Variants in ZMPSTE24 observed in about 807,000 individuals in gnomAD.
ZMPSTE24 encodes zinc metallopeptidase STE24.
In ZMPSTE24, 48 loss-of-function variants were observed where a neutral mutation model predicts 56.7. The observed-to-expected ratio is 0.85, with a 90% CI of 0.67 to 1.08. The LOEUF (loss-of-function observed/expected upper bound fraction) is 1.08, where lower values mean the gene tolerates loss of function less well. ZMPSTE24 is among the 50% of genes least tolerant of loss of function. The probability of loss-of-function intolerance (pLI) is 0.00; values close to 1 mark genes in which losing one functional copy is unlikely to be tolerated. For synonymous variants in ZMPSTE24, 172 were observed against 195.2 expected (o/e 0.88, Z 0.99); for missense variants, 503 against 548.7 (o/e 0.92, Z 0.83).
intron 5 of ZMPSTE24, among the ~76,000 whole-genome samples, chr1:40,271,069 T>C (rs1260316127): frequency 6.6e-6 from 1 of 152,244 alleles, no homozygotes; most frequent in African/African-American, 2.4e-5. Context: ...TATTTTATTT[T>C]AGAGATAGGG....
chr1:40,286,557 A>T (rs1643788672), intron 8 of ZMPSTE24, among the ~76,000 whole-genome samples: 1 of 151,762 alleles, frequency 6.6e-6, no homozygotes, highest in East Asian at 1.9e-4. Flanking sequence ...AGTAGCTTGG[A>T]CTACAGGCAC....
At chr1:40,275,265 C>CAAAAAA (rs869166476) in intron 6 of ZMPSTE24, among the ~76,000 whole-genome samples, 12 of 38,622 alleles carry the variant, frequency 3.1e-4, no homozygotes, top group Middle Eastern at 0.029. Flanking sequence ...ACTAAAAATA[C>CAAAAAA]AAAAAAAAAA....
rs71060363 is a variant in ZMPSTE24, at chr1:40,287,077, T to TC, written c.1059+1048_1059+1049insC. Among the ~76,000 whole-genome samples the TC allele has an allele frequency of 2.8e-5, 4 of 145,158 alleles. No homozygotes were observed. The East Asian group carries it at 8.2e-4, about 30-fold the overall frequency. ...ACATTTTTTTCTTTTTCTTTTCTTT[T>TC]TTTTTTTGAAATGGGGTCTCTCTCT... On this transcript the variant is annotated intron_variant, in intron 8 of 9. Coordinates refer to ENST00000372759, the MANE Select transcript of ZMPSTE24 (RefSeq NM_005857.5).
intron 2 of ZMPSTE24, among the ~76,000 whole-genome samples, chr1:40,264,108 C>T (rs965947703): frequency 3.9e-5 from 6 of 151,992 alleles, no homozygotes; most frequent in African/African-American, 1.2e-4. Flanking sequence ...GAGGTGGGGG[C>T]GGATTACCTG....
intron 2 of ZMPSTE24, 21 bp downstream of exon 2, chr1:40,261,006 A>G: frequency 1.2e-6 from 2 of 1,613,928 alleles, no homozygotes; most frequent in Non-Finnish European, 1.7e-6. Flanking sequence ...TACTTCTTGG[A>G]GAGACAGTCT....
intron 9 of ZMPSTE24, among the ~76,000 whole-genome samples, chr1:40,291,418 A>G (rs779554490): frequency 2.6e-5 from 4 of 152,220 alleles, no homozygotes; most frequent in Non-Finnish European, 4.4e-5. Flanking sequence ...ACCTGCCTCC[A>G]TATAGCCTGA....
At chr1:40,274,236 T>A (rs1328132763) in intron 6 of ZMPSTE24, among the ~76,000 whole-genome samples, 1 of 152,240 alleles carries the variant, frequency 6.6e-6, no homozygotes, top group African/African-American at 2.4e-5. Context: ...AACAGCAGTT[T>A]ACTCACCTAT....
rs1327693638 is a variant in ZMPSTE24, at chr1:40,293,872, T to G, written c.*1203T>G. On this transcript the variant is annotated 3_prime_UTR_variant, in exon 10 of 10. Coordinates refer to ENST00000372759, the MANE Select transcript of ZMPSTE24 (RefSeq NM_005857.5). ...TAGAGCTCTCACTCACTGATAATGCTTATTACCTTCTGGGCATTTATTCCA... is the reference window on the plus strand; with the variant it reads ...TAGAGCTCTCACTCACTGATAATGCGTATTACCTTCTGGGCATTTATTCCA... The G allele has an allele frequency of 2.6e-5, 4 of 152,278 alleles. No homozygotes were observed. Among genetic ancestry groups the G allele is most frequent in the Non-Finnish European group, 4.4e-5 (3 of 68,038 alleles). 9.4% of individuals were successfully genotyped at this position (152,278 alleles called of 1,614,324 possible).
At position 40,258,275 on chromosome 1, in the gene ZMPSTE24, G is replaced by T; in HGVS notation, c.4G>T (p.Gly2Trp). M[G>W]MWASLDALWE... ...GAGCCGGCGGAACCGGGTGGCCATGGGGATGTGGGCATCGCTGGACGCTTT... is the reference window on the plus strand; with the variant it reads ...GAGCCGGCGGAACCGGGTGGCCATGTGGATGTGGGCATCGCTGGACGCTTT... Residue 2 changes from glycine to tryptophan, a missense_variant, in exon 1 of 10, where the codon GGG (glycine) becomes TGG (tryptophan). Physicochemically the swap from Gly to Trp is radical, Grantham distance 184. Coordinates refer to ENST00000372759, the MANE Select transcript of ZMPSTE24 (RefSeq NM_005857.5). The T allele has an allele frequency of 2.5e-6, 4 of 1,613,886 alleles. No homozygotes were observed. In the South Asian group the frequency reaches 4.4e-5, roughly 18 times the overall value.
Position 40,260,872 on chromosome 1 carries a change from C to T in ZMPSTE24, c.157C>T (p.Pro53Ser). The T allele has an allele frequency of 6.2e-7, 1 of 1,614,016 alleles. No homozygotes were observed. Among genetic ancestry groups the T allele is most frequent in the Non-Finnish European group, 8.5e-7 (1 of 1,179,946 alleles). Residue 53 changes from proline to serine, a missense_variant, in exon 2 of 10, where the codon CCG becomes TCG. Pro to Ser is a moderately conservative substitution (Grantham distance 74). Coordinates refer to ENST00000372759, the MANE Select transcript of ZMPSTE24 (RefSeq NM_005857.5). ...ATATAAAACAACAACTCATGTACCA[C>T]CGGAGTTAGGACAGATCATGGATTC... ...RIYKTTTHVP[P>S]ELGQIMDSET...
chr1:40,275,882 G>A (rs780708174), intron 6 of ZMPSTE24, among the ~76,000 whole-genome samples: 1 of 152,082 alleles, frequency 6.6e-6, no homozygotes, highest in African/African-American at 2.4e-5. Flanking sequence ...TGCAGAACCT[G>A]TCTGGTGAGG....
intron 3 of ZMPSTE24, among the ~76,000 whole-genome samples, chr1:40,268,131 C>G (rs962340490): frequency 2.6e-5 from 4 of 152,168 alleles, no homozygotes; most frequent in Non-Finnish European, 4.4e-5. Flanking sequence ...TGACTTTCTT[C>G]CATGTGGTAA....
rs1643654380 is a variant in ZMPSTE24, at chr1:40,275,081, A to G, written c.769+3046A>G. ...ACATTGTATTAGAATTCTGCAAGCAATAGAAACCAACTGTGGCTGATTTAA... is the reference window on the plus strand; with the variant it reads ...ACATTGTATTAGAATTCTGCAAGCAGTAGAAACCAACTGTGGCTGATTTAA... On this transcript the variant is annotated intron_variant, in intron 6 of 9. Coordinates refer to ENST00000372759, the MANE Select transcript of ZMPSTE24 (RefSeq NM_005857.5). Among the ~76,000 whole-genome samples the G allele has an allele frequency of 2.0e-5, 3 of 152,042 alleles. No individual in the cohort carries two copies. The South Asian group carries it at 6.2e-4, about 32-fold the overall frequency.
Position 40,290,790 on chromosome 1 carries a change from G to A in ZMPSTE24, c.1060-64G>A, listed in dbSNP as rs1019048382. ...CTGTGATTTCTTATACTTTATGGATGCTACTGATCCCATAGTGAAATCAGC... is the reference window on the plus strand; with the variant it reads ...CTGTGATTTCTTATACTTTATGGATACTACTGATCCCATAGTGAAATCAGC... On this transcript the variant is annotated intron_variant, in intron 8 of 9. Transcript: ENST00000372759. 2.0e-5 allele frequency: 31 copies of A among 1,583,190 alleles called. No individual in the cohort carries two copies. The African/African-American group carries it at 3.1e-4, about 16-fold the overall frequency.
chr1:40,260,977 G>A lies in ZMPSTE24; in HGVS notation c.262G>A (p.Glu88Lys), dbSNP rs1557772513. ...CTGGTCAGGACTCTATTCAGAGACT[G>A]AAGGCACTGTGAGTAATTTACTTCT... is the stretch of plus-strand genomic sequence containing the variant. Reference protein sequence around the residue: ...SFWSGLYSETEGTLILLFGGI... With the variant: ...SFWSGLYSETKGTLILLFGGI... Residue 88 changes from glutamate to lysine, a missense_variant, in exon 2 of 10, where the codon GAA becomes AAA. Coordinates refer to ENST00000372759, the MANE Select transcript of ZMPSTE24 (RefSeq NM_005857.5). 1 of 1,614,126 alleles carries A rather than the reference G, an allele frequency of 6.2e-7. No homozygotes were observed. Among genetic ancestry groups the A allele is most frequent in the East Asian group, 2.2e-5 (1 of 44,856 alleles).
In ZMPSTE24 at chr1:40,264,899, A is replaced by G. The variant is rs865977488; in HGVS notation, c.271-2887A>G. On this transcript the variant is annotated intron_variant, in intron 2 of 9. Transcript: ENST00000372759. ...TCTCAAAAAAAAAAAAAAAAAAAAAAAGAATGTAGTGAAATAATATATGTC... is the reference window on the plus strand; with the variant it reads ...TCTCAAAAAAAAAAAAAAAAAAAAAGAGAATGTAGTGAAATAATATATGTC... Among the ~76,000 whole-genome samples, 48 of 151,324 alleles carry G rather than the reference A, an allele frequency of 3.2e-4. No homozygotes were observed. The Middle Eastern group carries it at 0.01, about 33-fold the overall frequency.
intron 6 of ZMPSTE24, among the ~76,000 whole-genome samples, chr1:40,276,783 A>G (rs558607917): frequency 6.6e-6 from 1 of 152,352 alleles, no homozygotes; most frequent in South Asian, 2.1e-4. Flanking sequence ...GTTGTATGGT[A>G]TAGCCTCTTG....
Position 40,292,827 on chromosome 1 carries a change from A to G in ZMPSTE24, c.*158A>G, listed in dbSNP as rs1467443899. ...AATATGTCATTTTAAAAATGATTTT[A>G]ATAATTCATTTCTTAAAACACTGAA... On this transcript the variant is annotated 3_prime_UTR_variant, in exon 10 of 10. Transcript: ENST00000372759. The G allele has an allele frequency of 1.7e-6, 1 of 606,006 alleles. No homozygotes were observed. The highest frequency in any genetic ancestry group is 1.9e-5 in the African/African-American group (1 of 53,840). 37.5% of individuals were successfully genotyped at this position (606,006 alleles called of 1,614,324 possible). A position where few individuals can be genotyped will look rare whatever the true frequency, so the allele number is the denominator to read the frequency against.
At chr1:40,291,108 G>A in intron 9 of ZMPSTE24, 111 bp downstream of exon 9, 2 of 1,408,588 alleles carry the variant, frequency 1.4e-6, no homozygotes, top group Non-Finnish European at 1.9e-6. Context: ...ACAAATAGAT[G>A]AAACAAAGTC....
Sources: allele counts gnomAD v4.1 joint callset (sites outside exome capture counted in the v4.1 genomes callset), GRCh38; gene constraint gnomAD v4.1.1; transcripts MANE v1.5; gene names NCBI Gene and HGNC (gene_info 2026-07-23, HGNC 2026-07-21).